DTNA: variants seen among roughly 807,000 people sequenced by gnomAD.
DTNA encodes the protein dystrophin-related protein 3.
A neutral mutation model predicts 100.7 loss-of-function variants in DTNA; 43 were observed. The ratio of observed to expected loss-of-function variants is 0.43; its 90% CI spans 0.33 to 0.55. The LOEUF (loss-of-function observed/expected upper bound fraction) is 0.55, where lower values mean the gene tolerates loss of function less well. Among genes scored for constraint, DTNA ranks in the 20% least tolerant of loss-of-function variants. DTNA has a pLI of 0.04. For missense variants in DTNA, 798 were observed against 953.9 expected, an observed-to-expected ratio of 0.84 and a Z score of 2.15; for synonymous variants, 349 against 347.9, an observed-to-expected ratio of 1.00 and a Z score of -0.04.
intron 1 of DTNA, among the ~76,000 whole-genome samples, chr18:34,640,831 T>C (rs1258389739): frequency 2.0e-5 from 3 of 152,220 alleles, no homozygotes; most frequent in Non-Finnish European, 4.4e-5. Flanking sequence ...AAAAGTTTAT[T>C]CTAAAAGCAA....
intron 9 of DTNA, among the ~76,000 whole-genome samples, chr18:34,826,903 G>C (rs998504632): frequency 2.0e-5 from 3 of 151,822 alleles, no homozygotes; most frequent in Admixed American, 1.3e-4. Context: ...ACTCCATGCA[G>C]TTGGTGTGTA....
At chr18:34,597,254 C>T (rs1300049266) in intron 1 of DTNA, among the ~76,000 whole-genome samples, 2 of 152,138 alleles carry the variant, frequency 1.3e-5, no homozygotes, top group African/African-American at 2.4e-5. Flanking sequence ...TCTTTAACCT[C>T]TAATCCATCC....
chr18:34,748,710 C>G (rs2091960165), intron 1 of DTNA, among the ~76,000 whole-genome samples: 1 of 152,084 alleles, frequency 6.6e-6, no homozygotes, highest in African/African-American at 2.4e-5. Flanking sequence ...TAATGATAGT[C>G]TTGTAGTTTA....
At chr18:34,529,933 C>T (rs2042986745) in intron 1 of DTNA, among the ~76,000 whole-genome samples, 1 of 152,094 alleles carries the variant, frequency 6.6e-6, no homozygotes. Flanking sequence ...TTAAGAAACA[C>T]TGTCATAAAA....
chr18:34,671,398 C>A (rs1047815779), intron 1 of DTNA, among the ~76,000 whole-genome samples: 17 of 152,098 alleles, frequency 1.1e-4, no homozygotes, highest in South Asian at 2.1e-4. Flanking sequence ...AATGCCTCGC[C>A]CTGCTTTGGC....
At chr18:34,552,817 G>A (rs568789055) in intron 1 of DTNA, among the ~76,000 whole-genome samples, 1 of 146,566 alleles carries the variant, frequency 6.8e-6, no homozygotes, top group South Asian at 2.1e-4. Context: ...TTGCTATGGT[G>A]AATAATGCCA....
intron 5 of DTNA, 44 bp downstream of exon 5, chr18:34,806,348 G>A: frequency 3.2e-6 from 5 of 1,546,208 alleles, no homozygotes; most frequent in Non-Finnish European, 4.5e-6. Flanking sequence ...TTCCTTGCTA[G>A]GTACCACCCT....
At position 34,815,645 on chromosome 18, in the gene DTNA, T is replaced by C. The variant is rs147865244; in HGVS notation, c.604-264T>C. 6.5e-5 allele frequency: 27 copies of C among 416,810 alleles called. No homozygotes were observed. In the East Asian group the frequency reaches 1.3e-3, roughly 20 times the overall value. 25.8% of individuals were successfully genotyped at this position (416,810 alleles called of 1,614,324 possible). The stretch of plus-strand genomic sequence containing the variant: ...TGTCTTTCATATATACAAATGATGC[T>C]CTTGGAATTGTTTTTCTCCTGGTGA... On this transcript the variant is annotated intron_variant, in intron 6 of 22. Transcript: ENST00000444659.
At chr18:34,664,337 T>C (rs1009498761) in intron 1 of DTNA, among the ~76,000 whole-genome samples, 4 of 152,162 alleles carry the variant, frequency 2.6e-5, no homozygotes, top group Admixed American at 2.6e-4. Flanking sequence ...ATTATTTTAT[T>C]TATGTCACAT....
At chr18:34,602,898 G>T (rs547267145) in intron 1 of DTNA, among the ~76,000 whole-genome samples, 2 of 151,814 alleles carry the variant, frequency 1.3e-5, no homozygotes, top group Admixed American at 1.3e-4. Context: ...AGCTACTGAG[G>T]AGACTGAGGC....
chr18:34,799,662 T>C (rs1282919579), intron 4 of DTNA, among the ~76,000 whole-genome samples: 1 of 152,188 alleles, frequency 6.6e-6, no homozygotes, highest in African/African-American at 2.4e-5. Context: ...AACTAAAATC[T>C]TGTTGTAGTG....
intron 1 of DTNA, among the ~76,000 whole-genome samples, chr18:34,554,374 C>T (rs905384060): frequency 6.8e-6 from 1 of 146,838 alleles, no homozygotes; most frequent in Non-Finnish European, 1.5e-5. Flanking sequence ...ATTTCCTTCT[C>T]CTGCCTAATT....
chr18:34,794,138 G>A lies in DTNA; in HGVS notation c.250G>A (p.Val84Met), dbSNP rs760900277. The stretch of plus-strand genomic sequence containing the variant: ...ACTCAACGTGTCCCGCTTAGAGGCT[G>A]TGCTCTCCACTATTTTTTACCAGCT... The part of the protein sequence containing the change: ...TELNVSRLEA[V>M]LSTIFYQLNK... The change falls in exon 4 of 23, where the codon GTG (valine) becomes ATG (methionine). Residue 84 changes from valine to methionine, a missense_variant. Physicochemically the swap from Val to Met is conservative, Grantham distance 21. Around this residue, in one of 6 missense-constraint regions of DTNA, gnomAD observed 197 missense variants for 215.4 expected, o/e 0.91. Transcript: ENST00000444659. The A allele has an allele frequency of 6.2e-7, 1 of 1,614,040 alleles. No individual in the cohort carries two copies. The highest frequency in any genetic ancestry group is 8.5e-7 in the Non-Finnish European group (1 of 1,180,030).
chr18:34,701,132 A>G (rs2081305803), intron 1 of DTNA, among the ~76,000 whole-genome samples: 1 of 152,140 alleles, frequency 6.6e-6, no homozygotes, highest in Non-Finnish European at 1.5e-5. Flanking sequence ...CCCTGACTTC[A>G]TATTTCCTTT....
chr18:34,748,487 G>A (rs1182439088), intron 1 of DTNA, among the ~76,000 whole-genome samples: 1 of 152,126 alleles, frequency 6.6e-6, no homozygotes, highest in Admixed American at 6.6e-5. Flanking sequence ...TTCTTAATAA[G>A]GTGAGAGATG....
intron 1 of DTNA, among the ~76,000 whole-genome samples, chr18:34,610,622 T>C (rs538494605): frequency 8.2e-4 from 125 of 152,272 alleles, no homozygotes; most frequent in African/African-American, 3.0e-3. Flanking sequence ...CAGTGCACAC[T>C]TGAAAATGAA....
chr18:34,584,469 A>C (rs144648118), intron 1 of DTNA, among the ~76,000 whole-genome samples: 1,579 of 152,330 alleles, frequency 0.01, 22 homozygotes, highest in African/African-American at 0.036. Context: ...GAGAAAATTT[A>C]ATTCTTAAAA....
intron 1 of DTNA, among the ~76,000 whole-genome samples, chr18:34,736,712 AT>A (rs1232726218): frequency 6.6e-6 from 1 of 152,200 alleles, no homozygotes; most frequent in East Asian, 1.9e-4. Flanking sequence ...TAAACGTGAT[AT>A]TATGAACCTC....
At chr18:34,639,047 G>C (rs1461580311) in intron 1 of DTNA, among the ~76,000 whole-genome samples, 2 of 152,124 alleles carry the variant, frequency 1.3e-5, no homozygotes, top group Non-Finnish European at 2.9e-5. Flanking sequence ...CTTCCTGTTG[G>C]TCAGGCTGGT....
Sources: allele counts gnomAD v4.1 joint callset (sites outside exome capture counted in the v4.1 genomes callset), GRCh38; gene constraint gnomAD v4.1.1; regional missense constraint gnomAD v4.1.1; transcripts MANE v1.5; gene names NCBI Gene and HGNC (gene_info 2026-07-23, HGNC 2026-07-21).